Variants in SPPL3 observed in about 807,000 individuals in gnomAD.
SPPL3 encodes signal peptide peptidase like 3.
SPPL3 carries 5 observed loss-of-function variants against 42.4 expected under a neutral mutation model. The observed-to-expected ratio is 0.12, with a 90% CI of 0.06 to 0.25. SPPL3 has a LOEUF of 0.25. Among genes scored for constraint, SPPL3 ranks in the 10% least tolerant of loss-of-function variants. The pLI, the probability that SPPL3 is intolerant of heterozygous loss-of-function variation, is 1.00. For synonymous variants in SPPL3, 195 were observed against 181.8 expected (o/e 1.07, Z -0.58); for missense variants, 235 against 489.0 (o/e 0.48, Z 4.90).
rs191664007 is a variant in SPPL3 at position 120,766,191 on chromosome 12, G to A, written c.1083+72C>T. 3.5e-4 allele frequency: 443 copies of A among 1,258,146 alleles called. 3 individuals are homozygous for A. The Middle Eastern group carries it at 5.5e-3, about 16-fold the overall frequency. The allele number at this position is 1,258,146 out of a possible 1,614,324, so 77.9% of individuals were successfully genotyped here. ...GGGCTTAAGCAGAATCACCTCCAGC[G>A]AGGAGAGTGCAAACCGAGGCACAGG... On this transcript the variant is annotated intron_variant, in intron 10 of 10. Transcript: ENST00000353487.
Position 120,792,879 on chromosome 12 carries a change from A to T in SPPL3, c.102-1322T>A, listed in dbSNP as rs548768405. ...AGCTTTTAGATAAAAACACATGGTA[A>T]ATCTCTGTGACCTTGGATTTGGAGT... On this transcript the variant is annotated intron_variant, in intron 2 of 10. Coordinates refer to ENST00000353487, the MANE Select transcript of SPPL3 (RefSeq NM_139015.5). Among the ~76,000 whole-genome samples the T allele has an allele frequency of 2.0e-4, 30 of 152,226 alleles. 1 individual carries two copies. In the South Asian group the frequency reaches 5.8e-3, roughly 29 times the overall value.
At chr12:120,834,572 C>T (rs1445911089) in intron 1 of SPPL3, among the ~76,000 whole-genome samples, 4 of 152,144 alleles carry the variant, frequency 2.6e-5, no homozygotes, top group Admixed American at 6.5e-5. Flanking sequence ...TTTGCTAAAA[C>T]AAATGAAGGC....
At chr12:120,845,411 G>C in intron 1 of SPPL3, 1 of 387,356 alleles carries the variant, frequency 2.6e-6, no homozygotes, top group Non-Finnish European at 5.2e-6. Context: ...TGTTCTGGAA[G>C]TAGTGGCACC....
At chr12:120,853,979 C>CACGT (rs1872354580) in intron 1 of SPPL3, among the ~76,000 whole-genome samples, 1 of 97,356 alleles carries the variant, frequency 1.0e-5, no homozygotes, top group African/African-American at 3.8e-5. Flanking sequence ...CACACACGCA[C>CACGT]ACATACACAC....
chr12:120,849,238 C>T (rs1037590991), intron 1 of SPPL3, among the ~76,000 whole-genome samples: 2 of 152,008 alleles, frequency 1.3e-5, no homozygotes, highest in Non-Finnish European at 2.9e-5. Flanking sequence ...TAAACTTTAC[C>T]TGATACTCTC....
At chr12:120,843,654 C>T (rs1443079887) in intron 1 of SPPL3, among the ~76,000 whole-genome samples, 1 of 152,154 alleles carries the variant, frequency 6.6e-6, no homozygotes. Flanking sequence ...CCAATGGTTT[C>T]AAAACATTTG....
intron 6 of SPPL3, among the ~76,000 whole-genome samples, chr12:120,771,155 C>T (rs1019290899): frequency 2.0e-5 from 3 of 152,198 alleles, no homozygotes; most frequent in African/African-American, 7.2e-5. Flanking sequence ...CTTCTTAAAC[C>T]CTAAGGCAGG....
intron 1 of SPPL3, among the ~76,000 whole-genome samples, chr12:120,842,932 T>TA (rs1353017826): frequency 6.6e-6 from 1 of 152,192 alleles, no homozygotes; most frequent in African/African-American, 2.4e-5. Context: ...ACCTGCTGAT[T>TA]AGTGACTTAG....
rs761385500 is a variant in SPPL3 at position 120,767,407 on chromosome 12, G to A, written c.960C>T (p.Ile320=). ...QKVSYFHCTL[I]GYFVGLLTAT... is the part of the protein sequence containing the mutation. ...TGGTTCTCTTACCTACAAAGTATCC[G>A]ATGAGGGTGCAGTGAAAGTAGGAGA... is the stretch of plus-strand genomic sequence containing the variant. Residue 320 remains isoleucine, a synonymous_variant, in exon 9 of 11, where the codon ATC becomes ATT. Transcript: ENST00000353487. The A allele has an allele frequency of 7.4e-6, 12 of 1,612,706 alleles. No homozygotes were observed. The highest frequency in any genetic ancestry group is 4.0e-5 in the African/African-American group (3 of 74,906).
rs367987745 is a variant in SPPL3, at chr12:120,886,142, CA to C, written c.23+17702del. 6.7e-3 allele frequency among the ~76,000 whole-genome samples: 942 copies of C among 141,596 alleles called. 8 individuals are homozygous for C. Among genetic ancestry groups the C allele is most frequent in the African/African-American group, 0.021 (808 of 38,298 alleles). 92.9% of individuals were successfully genotyped at this position (141,596 alleles called of 152,430 possible). Reference sequence around the variant, plus strand: ...ACAGGCGTGAGCCACCACGCCCGGCCAAAAAAAAAAAAAATTTTTTTTTCCA... The same window carrying C: ...ACAGGCGTGAGCCACCACGCCCGGCCAAAAAAAAAAAAATTTTTTTTTCCA... On this transcript the variant is annotated intron_variant, in intron 1 of 10. Coordinates refer to ENST00000353487, the MANE Select transcript of SPPL3 (RefSeq NM_139015.5).
chr12:120,863,408 G>A (rs759516058), intron 1 of SPPL3, among the ~76,000 whole-genome samples: 4 of 152,110 alleles, frequency 2.6e-5, no homozygotes, highest in Non-Finnish European at 4.4e-5. Context: ...AAATTAGTGA[G>A]AGGAATGGTA....
chr12:120,831,417 G>A (rs1172515045), intron 1 of SPPL3, among the ~76,000 whole-genome samples: 1 of 152,124 alleles, frequency 6.6e-6, no homozygotes, highest in Non-Finnish European at 1.5e-5. Context: ...TTTACAAAAG[G>A]TAGAAATGTC....
At chr12:120,843,425 C>A (rs1871897822) in intron 1 of SPPL3, among the ~76,000 whole-genome samples, 1 of 152,154 alleles carries the variant, frequency 6.6e-6, no homozygotes, top group African/African-American at 2.4e-5. Context: ...AATATTCCTG[C>A]TGTTATTCAA....
At chr12:120,847,768 G>C (rs1286366954) in intron 1 of SPPL3, among the ~76,000 whole-genome samples, 1 of 152,070 alleles carries the variant, frequency 6.6e-6, no homozygotes, top group Non-Finnish European at 1.5e-5. Context: ...TTTGAATCTA[G>C]TAAAAAGGGA....
At chr12:120,861,819 A>G (rs1246800564) in intron 1 of SPPL3, among the ~76,000 whole-genome samples, 1 of 152,214 alleles carries the variant, frequency 6.6e-6, no homozygotes, top group African/African-American at 2.4e-5. Context: ...GATTTCTGAG[A>G]TACCAAAAGG....
At chr12:120,890,453 G>A (rs780020720) in intron 1 of SPPL3, among the ~76,000 whole-genome samples, 7 of 151,614 alleles carry the variant, frequency 4.6e-5, no homozygotes, top group Non-Finnish European at 7.4e-5. Context: ...GCTGGGCGTG[G>A]TGGCAGGCGC....
At chr12:120,777,220 T>G (rs533025052) in intron 6 of SPPL3, among the ~76,000 whole-genome samples, 1 of 152,328 alleles carries the variant, frequency 6.6e-6, no homozygotes, top group South Asian at 2.1e-4. Context: ...AGGAGAAACA[T>G]CTGCCTGTTT....
chr12:120,876,808 TACACAC>T (rs71076677), intron 1 of SPPL3, among the ~76,000 whole-genome samples: 36,838 of 146,466 alleles, frequency 0.25, 5,156 homozygotes, highest in Non-Finnish European at 0.34. Flanking sequence ...GAGAAACACA[TACACAC>T]ACACACACAC....
Position 120,878,868 on chromosome 12 carries a change from C to T in SPPL3, c.23+24977G>A, listed in dbSNP as rs532755121. Among the ~76,000 whole-genome samples, 63 of 152,088 alleles carry T rather than the reference C, an allele frequency of 4.1e-4. 1 individual carries two copies. The highest frequency in any genetic ancestry group is 1.4e-3 in the African/African-American group (58 of 41,500). On this transcript the variant is annotated intron_variant, in intron 1 of 10. Coordinates refer to ENST00000353487, the MANE Select transcript of SPPL3 (RefSeq NM_139015.5). ...GTGGCTCATACCCGTAATCCCAGCA[C>T]TTTGGGAGGCTGAGGCGGGTGGATC...
Sources: gnomAD v4.1 joint callset for allele counts (sites outside exome capture counted in the v4.1 genomes callset) on GRCh38, gnomAD v4.1.1 for gene constraint, MANE v1.5 for transcripts, NCBI Gene and HGNC (gene_info 2026-07-23, HGNC 2026-07-21) for gene names.